LRRC27: variants seen among roughly 807,000 people sequenced by gnomAD.
The protein encoded by LRRC27 is leucine rich repeat containing 27, also known as leucine-rich repeat-containing protein 27.
In LRRC27, 57 loss-of-function variants were observed where a neutral mutation model predicts 55.0. The ratio of observed to expected loss-of-function variants is 1.04; its 90% CI spans 0.84 to 1.29. LRRC27 has a LOEUF of 1.29. LRRC27 is among the 50% of genes most tolerant of loss of function. The pLI is 0.00. For synonymous variants in LRRC27, 278 were observed against 251.9 expected, an observed-to-expected ratio of 1.10 and a Z score of -0.98; for missense variants, 721 against 651.5, an observed-to-expected ratio of 1.11 and a Z score of -1.16.
rs937536373 is a variant in LRRC27 at position 132,377,745 on chromosome 10, C to T, written c.*2503C>T. ...GTTATGCTTTGACTGGCCGTAAGTT[C>T]TCTCAGCTTTTGTTTGTCTGAAAAT... On this transcript the variant is annotated 3_prime_UTR_variant, in exon 11 of 11. Coordinates refer to ENST00000368614, the MANE Select transcript of LRRC27 (RefSeq NM_030626.3). The T allele has an allele frequency of 1.3e-5, 2 of 152,136 alleles. No individual in the cohort carries two copies. The highest frequency in any genetic ancestry group is 4.8e-5 in the African/African-American group (2 of 41,412). 9.4% of individuals were successfully genotyped at this position (152,136 alleles called of 1,614,324 possible).
intron 10 of LRRC27, among the ~76,000 whole-genome samples, chr10:132,370,098 A>G (rs1291738344): frequency 2.6e-5 from 4 of 152,230 alleles, no homozygotes; most frequent in African/African-American, 9.6e-5. Context: ...TGGAGCTTTC[A>G]GTCCAACCTG....
chr10:132,377,122 T>C lies in LRRC27; in HGVS notation c.*1880T>C, dbSNP rs2069347495. 1.3e-5 allele frequency: 2 copies of C among 152,334 alleles called. No homozygotes were observed. Among genetic ancestry groups the C allele is most frequent in the Non-Finnish European group, 2.9e-5 (2 of 68,036 alleles). The allele number at this position is 152,334 out of a possible 1,614,324, so 9.4% of individuals were successfully genotyped here. On this transcript the variant is annotated 3_prime_UTR_variant, in exon 11 of 11. Transcript: ENST00000368614. ...TTTTGGTCAGCGTTTTCATAATGCA[T>C]CTTCTTCCCTCCTTCTACTGTACTG...
intron 2 of LRRC27, 109 bp from the exon 3 acceptor site, chr10:132,337,456 T>G: frequency 6.7e-7 from 1 of 1,494,044 alleles, no homozygotes; most frequent in Non-Finnish European, 8.9e-7. Context: ...TAACTTAGTA[T>G]ATACGGTTCT....
chr10:132,375,469 C>T lies in LRRC27; in HGVS notation c.*227C>T, dbSNP rs1004047979. ...AAAGGACACTGTGAGCACGTGGTCT[C>T]GCCTTCCCTTCTTCCTGCAGGTTCC... On this transcript the variant is annotated 3_prime_UTR_variant, in exon 11 of 11. Transcript: ENST00000368614. 2 of 450,654 alleles carry T rather than the reference C, an allele frequency of 4.4e-6. No homozygotes were observed. The highest frequency in any genetic ancestry group is 3.9e-5 in the East Asian group (1 of 25,930). 27.9% of individuals were successfully genotyped at this position (450,654 alleles called of 1,614,324 possible).
In LRRC27 at chr10:132,337,235, G is replaced by C. The variant is rs921405936; in HGVS notation, c.211-330G>C. On this transcript the variant is annotated intron_variant, in intron 2 of 10. Transcript: ENST00000368614. ...TGCGGCAGGCACTGGAGAAACGGCC[G>C]AGACACTGAGTGTGGGGCCCCGGAA... The C allele has an allele frequency of 1.3e-5, 15 of 1,180,884 alleles. No homozygotes were observed. In the African/African-American group the frequency reaches 1.9e-4, roughly 15 times the overall value. The allele number at this position is 1,180,884 out of a possible 1,614,324, so 73.2% of individuals were successfully genotyped here.
chr10:132,359,495 C>T (rs1477320680), intron 8 of LRRC27, among the ~76,000 whole-genome samples: 1 of 152,234 alleles, frequency 6.6e-6, no homozygotes, highest in East Asian at 1.9e-4. Context: ...TGGGTGGCCA[C>T]TGCTGGGTGG....
chr10:132,372,530 C>T lies in LRRC27; in HGVS notation c.1417-2536C>T, dbSNP rs1424125288. On this transcript the variant is annotated intron_variant, in intron 10 of 10. Coordinates refer to ENST00000368614, the MANE Select transcript of LRRC27 (RefSeq NM_030626.3). This position sits in a 1 kb window ranked among gnomAD's most constrained non-coding sequence, Gnocchi z 4.0. The stretch of plus-strand genomic sequence containing the variant: ...TTGCAGTGAGCTGAGATGGCACCAT[C>T]GCACTCCAGCCTGGGCAACAAGAGC... 2.6e-5 allele frequency among the ~76,000 whole-genome samples: 4 copies of T among 152,142 alleles called. No homozygotes were observed. The highest frequency in any genetic ancestry group is 2.1e-4 in the South Asian group (1 of 4,838).
chr10:132,352,253 G>A (rs1224263432), intron 7 of LRRC27, among the ~76,000 whole-genome samples: 4 of 95,814 alleles, frequency 4.2e-5, no homozygotes, highest in African/African-American at 1.7e-4. Flanking sequence ...AGGGCGTTGC[G>A]TGCATGGGCT....
At chr10:132,347,420 C>T (rs1296214985) in intron 5 of LRRC27, among the ~76,000 whole-genome samples, 3 of 150,280 alleles carry the variant, frequency 2.0e-5, no homozygotes, top group Non-Finnish European at 4.4e-5. Context: ...CTCATGGGGC[C>T]TGTGTAGGAA....
upstream of LRRC27, among the ~76,000 whole-genome samples, chr10:132,331,010 G>A (rs1055295051): frequency 4.6e-5 from 7 of 151,002 alleles, no homozygotes; most frequent in African/African-American, 1.5e-4. Context: ...AGACCAGCCT[G>A]GCCAACATGA....
Position 132,344,640 on chromosome 10 carries a change from A to G in LRRC27, c.543A>G (p.Pro181=). 6.2e-7 allele frequency: 1 copy of G among 1,613,896 alleles called. No individual in the cohort carries two copies. The highest frequency in any genetic ancestry group is 8.5e-7 in the Non-Finnish European group (1 of 1,179,780). The change falls in exon 5 of 11, where the codon CCA becomes CCG. Residue 181 remains proline, a synonymous_variant. Coordinates refer to ENST00000368614, the MANE Select transcript of LRRC27 (RefSeq NM_030626.3). The part of the protein sequence containing the change: ...WAVEHSLPRN[P]TSQEAPPVRE... ...TAGAACACTCTCTCCCCAGAAATCC[A>G]ACTTCTCAAGGTTTGTAGGAGGTGA...
At chr10:132,330,634 C>G, upstream of LRRC27, 2 of 669,106 alleles carry the variant, frequency 3.0e-6, no homozygotes, top group Non-Finnish European at 5.5e-6. Flanking sequence ...CACCCTCCCA[C>G]ACAGCTGGAA....
At chr10:132,338,535 A>C (rs2067236107) in intron 3 of LRRC27, among the ~76,000 whole-genome samples, 1 of 151,570 alleles carries the variant, frequency 6.6e-6, no homozygotes, top group Non-Finnish European at 1.5e-5. Flanking sequence ...TGGAAACGTC[A>C]CACCTCCTTT....
intron 2 of LRRC27, 143 bp downstream of exon 2, chr10:132,333,877 T>G: frequency 1.5e-6 from 1 of 666,084 alleles, no homozygotes; most frequent in Non-Finnish European, 2.5e-6. Context: ...GGTTAACTCA[T>G]AGTTTCATAC....
At position 132,365,701 on chromosome 10, in the gene LRRC27, A is replaced by C; in HGVS notation, c.1416+151A>C. 5.4e-6 allele frequency: 5 copies of C among 933,140 alleles called. No homozygotes were observed. In the South Asian group the frequency reaches 8.7e-5, roughly 16 times the overall value. The allele number at this position is 933,140 out of a possible 1,614,324, so 57.8% of individuals were successfully genotyped here. Reference sequence around the variant, plus strand: ...CCTGCAGCCTCCACCTCCCAGGTTCAAGCGATTCTCCTGCCTCAGCCTCCC... The same window carrying C: ...CCTGCAGCCTCCACCTCCCAGGTTCCAGCGATTCTCCTGCCTCAGCCTCCC... On this transcript the variant is annotated intron_variant, in intron 10 of 10. Coordinates refer to ENST00000368614, the MANE Select transcript of LRRC27 (RefSeq NM_030626.3).
At position 132,374,444 on chromosome 10, in the gene LRRC27, C is replaced by A. The variant is rs542166132; in HGVS notation, c.1417-622C>A. Among the ~76,000 whole-genome samples the A allele has an allele frequency of 1.1e-4, 16 of 152,200 alleles. No homozygotes were observed. Among genetic ancestry groups the A allele is most frequent in the African/African-American group, 3.9e-4 (16 of 41,518 alleles). ...CCTCCTCAGTTTATCCACCTGAGGGCCCCCCGCAGTGCCCTCCTCAGCCTC... is the reference window on the plus strand; with the variant it reads ...CCTCCTCAGTTTATCCACCTGAGGGACCCCCGCAGTGCCCTCCTCAGCCTC... On this transcript the variant is annotated intron_variant, in intron 10 of 10. Coordinates refer to ENST00000368614, the MANE Select transcript of LRRC27 (RefSeq NM_030626.3). The surrounding 1 kb of genome is among the most constrained non-coding windows in gnomAD (Gnocchi z 4.4).
Position 132,348,877 on chromosome 10 carries a change from C to CA in LRRC27, c.926+522dup, listed in dbSNP as rs1312036361. 1.0e-5 allele frequency: 9 copies of CA among 893,162 alleles called. No homozygotes were observed. The highest frequency in any genetic ancestry group is 1.4e-5 in the Non-Finnish European group (8 of 563,442). 55.3% of individuals were successfully genotyped at this position (893,162 alleles called of 1,614,324 possible). ...TGCCTGGGGACAAAAGGAAGGCAGTCATTGTGTGGCCCACTTCCAAAGCTT... is the reference window on the plus strand; with the variant it reads ...TGCCTGGGGACAAAAGGAAGGCAGTCAATTGTGTGGCCCACTTCCAAAGCTT... On this transcript the variant is annotated intron_variant, in intron 6 of 10. Coordinates refer to ENST00000368614, the MANE Select transcript of LRRC27 (RefSeq NM_030626.3). The surrounding 1 kb of genome is among the most constrained non-coding windows in gnomAD (Gnocchi z 4.2).
At chr10:132,330,579 C>G, upstream of LRRC27, 1 of 707,568 alleles carries the variant, frequency 1.4e-6, no homozygotes, top group Non-Finnish European at 2.6e-6. Flanking sequence ...ACAATCATAA[C>G]TCACTGCAGC....
intron 7 of LRRC27, among the ~76,000 whole-genome samples, chr10:132,354,261 G>A (rs1219168988): frequency 6.6e-6 from 1 of 152,198 alleles, no homozygotes; most frequent in Non-Finnish European, 1.5e-5. Flanking sequence ...TTTCCTGCCT[G>A]GAGCCCAGAG....
Sources: allele counts gnomAD v4.1 joint callset (sites outside exome capture counted in the v4.1 genomes callset), GRCh38; gene constraint gnomAD v4.1.1; non-coding constraint Gnocchi (gnomAD v3.1); transcripts MANE v1.5; gene names NCBI Gene and HGNC (gene_info 2026-07-23, HGNC 2026-07-21).